The following GUCY1A2 variants were observed in gnomAD, a reference collection of about 807,000 sequenced individuals.
GUCY1A2 encodes the protein guanylate cyclase 1 soluble subunit alpha 2.
GUCY1A2 carries 27 observed loss-of-function variants against 63.5 expected under a neutral mutation model. The ratio of observed to expected loss-of-function variants is 0.43; its 90% CI spans 0.31 to 0.59. GUCY1A2 has a LOEUF of 0.59. GUCY1A2 is among the 20% of genes least tolerant of loss of function. The pLI is 0.11. For missense variants in GUCY1A2, 768 were observed against 913.3 expected (o/e 0.84, Z 2.05); for synonymous variants, 364 against 343.5 (o/e 1.06, Z -0.66).
chr11:106,904,013 C>T (rs1860170372), intron 4 of GUCY1A2, among the ~76,000 whole-genome samples: 1 of 152,172 alleles, frequency 6.6e-6, no homozygotes, highest in Admixed American at 6.6e-5. Context: ...TACTCTGCTT[C>T]ACTAAACAGA....
chr11:106,829,457 C>CTCTCAGGG (rs1171086339), intron 4 of GUCY1A2, among the ~76,000 whole-genome samples: 7 of 152,162 alleles, frequency 4.6e-5, no homozygotes, highest in African/African-American at 1.4e-4. Context: ...ATCACATGGT[C>CTCTCAGGG]TCTCAGGGTC....
rs934849623 is a variant in GUCY1A2, at chr11:106,676,859, A to G, written c.*10690T>C. 5 of 201,780 alleles carry G rather than the reference A, an allele frequency of 2.5e-5. No individual in the cohort carries two copies. The highest frequency in any genetic ancestry group is 3.1e-5 in the Non-Finnish European group (3 of 98,018). 12.5% of individuals were successfully genotyped at this position (201,780 alleles called of 1,614,324 possible). A position where few individuals can be genotyped will look rare whatever the true frequency, so the allele number is the denominator to read the frequency against. On this transcript the variant is annotated 3_prime_UTR_variant, in exon 8 of 8. Transcript: ENST00000526355. ...TTAAGACATTTGTAAGGGGGTAAAA[A>G]TAGGAGATTGTCCAAACAGATTGAC... is the stretch of plus-strand genomic sequence containing the variant.
In GUCY1A2 at chr11:106,846,924, A is replaced by C. The variant is rs570545405; in HGVS notation, c.1207-36446T>G. Among the ~76,000 whole-genome samples, 51 of 151,582 alleles carry C rather than the reference A, an allele frequency of 3.4e-4. 1 individual carries two copies. In the South Asian group the frequency reaches 9.5e-3, roughly 28 times the overall value. ...TAAATTAAAAATTCTATAGGCACCA[A>C]GCAGAAATAAAGTAAGTCTCAAGGG... On this transcript the variant is annotated intron_variant, in intron 4 of 7. Transcript: ENST00000526355.
intron 5 of GUCY1A2, among the ~76,000 whole-genome samples, chr11:106,803,766 GATGAGAA>G (rs1858642818): frequency 6.6e-6 from 1 of 152,178 alleles, no homozygotes; most frequent in Non-Finnish European, 1.5e-5. Context: ...AAGGTGGAAT[GATGAGAA>G]ATCCAACTAG....
chr11:106,839,154 A>C (rs1378379888), intron 4 of GUCY1A2, among the ~76,000 whole-genome samples: 2 of 152,008 alleles, frequency 1.3e-5, no homozygotes, highest in Non-Finnish European at 2.9e-5. Flanking sequence ...ATTTTTGTAT[A>C]AGGTGTAAGG....
rs1192505109 is a variant in GUCY1A2, at chr11:106,958,000, A to G, written c.488-17822T>C. ...ATACTTAGCCAAAGGTCTAAAATGT[A>G]TTTCATTAGACAAACAGCATTAGAT... On this transcript the variant is annotated intron_variant, in intron 3 of 7. Coordinates refer to ENST00000526355, the MANE Select transcript of GUCY1A2 (RefSeq NM_000855.3). 3.3e-5 allele frequency among the ~76,000 whole-genome samples: 5 copies of G among 150,880 alleles called. No homozygotes were observed. In the South Asian group the frequency reaches 1.0e-3, roughly 32 times the overall value.
intron 5 of GUCY1A2, among the ~76,000 whole-genome samples, chr11:106,786,325 T>G (rs1320138802): frequency 1.3e-5 from 2 of 152,222 alleles, no homozygotes; most frequent in African/African-American, 4.8e-5. Flanking sequence ...TTGACCCAAA[T>G]ACGGCTGCTT....
At chr11:106,790,036 G>A (rs1565290589) in intron 5 of GUCY1A2, among the ~76,000 whole-genome samples, 2 of 152,090 alleles carry the variant, frequency 1.3e-5, no homozygotes, top group African/African-American at 2.4e-5. Context: ...AAGGCCCTTG[G>A]GCTCTAAAAG....
chr11:106,901,727 A>G (rs1229723123), intron 4 of GUCY1A2, among the ~76,000 whole-genome samples: 1 of 147,624 alleles, frequency 6.8e-6, no homozygotes, highest in African/African-American at 2.5e-5. Flanking sequence ...ATGAGTGAGA[A>G]CACGCAGTGT....
intron 6 of GUCY1A2, among the ~76,000 whole-genome samples, chr11:106,766,556 G>C (rs1356876999): frequency 1.5e-5 from 2 of 132,804 alleles, no homozygotes; most frequent in African/African-American, 2.7e-5. Flanking sequence ...TCTTTTTTTT[G>C]TAATTTTAGA....
chr11:106,896,682 G>A (rs1860054098), intron 4 of GUCY1A2, among the ~76,000 whole-genome samples: 1 of 152,160 alleles, frequency 6.6e-6, no homozygotes, highest in Admixed American at 6.5e-5. Context: ...GCCACATGAG[G>A]ATGCAGCATT....
chr11:106,944,719 T>A (rs1860802860), intron 3 of GUCY1A2, among the ~76,000 whole-genome samples: 1 of 152,170 alleles, frequency 6.6e-6, no homozygotes, highest in Non-Finnish European at 1.5e-5. Flanking sequence ...AAATGTGGTA[T>A]AATGAAGATG....
chr11:106,694,558 T>C (rs1334735726), intron 7 of GUCY1A2, among the ~76,000 whole-genome samples: 1 of 152,206 alleles, frequency 6.6e-6, no homozygotes, highest in Non-Finnish European at 1.5e-5. Context: ...ACTATTGATA[T>C]TGGAGTTTTG....
rs1165527018 is a variant in GUCY1A2 at position 106,684,369 on chromosome 11, T to C, written c.*3180A>G. The C allele has an allele frequency of 2.1e-5, 4 of 191,118 alleles. No individual in the cohort carries two copies. The highest frequency in any genetic ancestry group is 4.4e-5 in the Non-Finnish European group (4 of 91,196). The allele number at this position is 191,118 out of a possible 1,614,324, so 11.8% of individuals were successfully genotyped here. ...ATTGGGTCCCATGTTACCTGGAAGC[T>C]ATGTCTTCTTCCCCTTCTCTACGTT... is the stretch of plus-strand genomic sequence containing the variant. On this transcript the variant is annotated 3_prime_UTR_variant, in exon 8 of 8. Transcript: ENST00000526355.
At position 106,684,159 on chromosome 11, in the gene GUCY1A2, G is replaced by A. The variant is rs1039141064; in HGVS notation, c.*3390C>T. ...TACTGGACAAGAGGAAGGAGTGCAA[G>A]ACTGTAAGAAACAACATTTGAAGTG... On this transcript the variant is annotated 3_prime_UTR_variant, in exon 8 of 8. Coordinates refer to ENST00000526355, the MANE Select transcript of GUCY1A2 (RefSeq NM_000855.3). 5.4e-6 allele frequency: 1 copy of A among 184,378 alleles called. No individual in the cohort carries two copies. Among genetic ancestry groups the A allele is most frequent in the Non-Finnish European group, 1.2e-5 (1 of 86,938 alleles). The allele number at this position is 184,378 out of a possible 1,614,324, so 11.4% of individuals were successfully genotyped here.
At chr11:106,931,590 T>C (rs1281821365) in intron 4 of GUCY1A2, among the ~76,000 whole-genome samples, 1 of 152,086 alleles carries the variant, frequency 6.6e-6, no homozygotes, top group Non-Finnish European at 1.5e-5. Context: ...AAAATCAATG[T>C]CCATCAACTG....
chr11:106,816,608 G>C (rs1032413982), intron 4 of GUCY1A2, among the ~76,000 whole-genome samples: 2 of 150,558 alleles, frequency 1.3e-5, no homozygotes, highest in African/African-American at 4.9e-5. Context: ...AACCATAAGA[G>C]AGGTAATCAA....
At chr11:106,721,805 T>A (rs1863321458) in intron 6 of GUCY1A2, among the ~76,000 whole-genome samples, 1 of 152,202 alleles carries the variant, frequency 6.6e-6, no homozygotes, top group African/African-American at 2.4e-5. Context: ...TAAGCAAAAT[T>A]CATAAGTCCC....
At chr11:106,984,351 T>C (rs2120135248) in intron 2 of GUCY1A2, among the ~76,000 whole-genome samples, 1 of 152,196 alleles carries the variant, frequency 6.6e-6, no homozygotes, top group Non-Finnish European at 1.5e-5. Flanking sequence ...AGACCATTCA[T>C]GCAATAGACA....
Sources: gnomAD v4.1 joint callset for allele counts (sites outside exome capture counted in the v4.1 genomes callset) on GRCh38, gnomAD v4.1.1 for gene constraint, MANE v1.5 for transcripts, NCBI Gene and HGNC (gene_info 2026-07-23, HGNC 2026-07-21) for gene names.